MEGF6: variants seen among roughly 807,000 people sequenced by gnomAD.
MEGF6 encodes the protein multiple epidermal growth factor-like domains protein 6.
MEGF6 carries 184 observed loss-of-function variants against 207.1 expected under a neutral mutation model. The ratio of observed to expected loss-of-function variants is 0.89; its 90% confidence interval spans 0.79 to 1.00. The LOEUF (loss-of-function observed/expected upper bound fraction) is 1.00, where lower values mean the gene tolerates loss of function less well. MEGF6 is among the 50% of genes least tolerant of loss of function. The pLI, the probability that MEGF6 is intolerant of heterozygous loss-of-function variation, is 0.00. For missense variants in MEGF6, 2,282 were observed against 2,202.9 expected (o/e 1.04, Z -0.72); for synonymous variants, 1,038 against 910.0 (o/e 1.14, Z -2.53).
chr1:3,624,036 G>C, the MEGF6 span, among the ~76,000 whole-genome samples: 1 of 152,084 alleles, frequency 6.6e-6, no homozygotes, highest in African/African-American at 2.4e-5. Flanking sequence ...CAAATACTCC[G>C]CTCCATCCCC....
At chr1:3,531,075 C>G in intron 4 of MEGF6, 2 of 1,518,566 alleles carry the variant, frequency 1.3e-6, no homozygotes, top group Non-Finnish European at 1.8e-6. Context: ...TCGCCCGGCG[C>G]CCACCTGGCC....
rs1470667963 is a variant in MEGF6, at chr1:3,487,952, G to A, written c.*2576C>T. Among the ~76,000 whole-genome samples the A allele has an allele frequency of 1.3e-5, 2 of 152,250 alleles. No homozygotes were observed. Among genetic ancestry groups the A allele is most frequent in the East Asian group, 1.9e-4 (1 of 5,186 alleles). On this transcript the variant is annotated 3_prime_UTR_variant, in exon 37 of 37. Coordinates refer to ENST00000356575, the MANE Select transcript of MEGF6 (RefSeq NM_001409.4). Reference sequence around the variant, plus strand: ...AAATACTATTTAGTATATTTTTAATGCAGTCTAGTCTGTTTTTAATGATGT... The same window carrying A: ...AAATACTATTTAGTATATTTTTAATACAGTCTAGTCTGTTTTTAATGATGT...
At chr1:3,599,405 C>T (rs960165522) in intron 2 of MEGF6, among the ~76,000 whole-genome samples, 1 of 152,242 alleles carries the variant, frequency 6.6e-6, no homozygotes, top group Non-Finnish European at 1.5e-5. Context: ...CTCTCAGCCA[C>T]CCTGCATCCT....
At chr1:3,521,318 G>A (rs949301855) in intron 5 of MEGF6, among the ~76,000 whole-genome samples, 14 of 152,276 alleles carry the variant, frequency 9.2e-5, no homozygotes, top group Admixed American at 6.5e-4. Context: ...AGGGCGAAGG[G>A]TCCCAAACTC....
intron 10 of MEGF6, 85 bp downstream of exon 10, chr1:3,510,698 G>A: frequency 6.7e-7 from 1 of 1,495,252 alleles, no homozygotes; most frequent in Non-Finnish European, 8.9e-7. Context: ...CCACCATGGG[G>A]GTACCAGAGC....
At chr1:3,504,928 G>C (rs1211532269) in intron 17 of MEGF6, among the ~76,000 whole-genome samples, 2 of 152,180 alleles carry the variant, frequency 1.3e-5, no homozygotes, top group African/African-American at 4.8e-5. Context: ...GGAGGAGTTT[G>C]GAGAGAAACT....
chr1:3,494,771 G>A, intron 30 of MEGF6, 30 bp from the exon 31 acceptor site: 2 of 1,533,182 alleles, frequency 1.3e-6, no homozygotes, highest in South Asian at 2.5e-5. Context: ...GCTGCCTGGA[G>A]CTCTGGCCGA....
At chr1:3,614,263 G>C (rs1009687640), upstream of MEGF6, among the ~76,000 whole-genome samples, 42 of 152,304 alleles carry the variant, frequency 2.8e-4, no homozygotes, top group African/African-American at 8.2e-4. Context: ...CCTCTGCCCA[G>C]CCTGGTACTG....
chr1:3,564,859 C>G (rs937218603), intron 4 of MEGF6, among the ~76,000 whole-genome samples: 2 of 152,156 alleles, frequency 1.3e-5, no homozygotes, highest in Non-Finnish European at 2.9e-5. Flanking sequence ...TCCTGTGAGG[C>G]CCCGCCATCC....
chr1:3,495,122 G>C (rs907679382), intron 30 of MEGF6, among the ~76,000 whole-genome samples: 7 of 152,200 alleles, frequency 4.6e-5, no homozygotes, highest in Non-Finnish European at 8.8e-5. Flanking sequence ...TAGCGTGGCT[G>C]GGCTGCCGTG....
chr1:3,583,169 A>G (rs1643840501), intron 3 of MEGF6, among the ~76,000 whole-genome samples: 1 of 152,158 alleles, frequency 6.6e-6, no homozygotes, highest in African/African-American at 2.4e-5. Context: ...CTCTAAAACA[A>G]AGATGCGCAA....
chr1:3,618,988 A>G, the MEGF6 span, among the ~76,000 whole-genome samples: 3 of 152,214 alleles, frequency 2.0e-5, no homozygotes, highest in African/African-American at 7.2e-5. The surrounding 1 kb of genome is among the most constrained non-coding windows in gnomAD (Gnocchi z 4.7). Context: ...CATCCATCGG[A>G]GAACAAGGGC....
intron 4 of MEGF6, among the ~76,000 whole-genome samples, chr1:3,568,221 A>C (rs1643401835): frequency 6.6e-6 from 1 of 152,058 alleles, no homozygotes; most frequent in African/African-American, 2.4e-5. Context: ...GAGGGGGTGA[A>C]GTGTGCAGGA....
upstream of MEGF6, among the ~76,000 whole-genome samples, chr1:3,615,767 T>G (rs756691568): frequency 2.2e-4 from 33 of 152,286 alleles, no homozygotes; most frequent in Non-Finnish European, 3.8e-4. Flanking sequence ...CCCTATCCAG[T>G]GGGCTCAGCT....
rs1490989535 is a variant in MEGF6, at chr1:3,497,417, G to A, written c.3353-56C>T. The A allele has an allele frequency of 4.1e-6, 6 of 1,465,116 alleles. No homozygotes were observed. The East Asian group carries it at 7.6e-5, about 19-fold the overall frequency. 90.8% of individuals were successfully genotyped at this position (1,465,116 alleles called of 1,614,324 possible). A position where few individuals can be genotyped will look rare whatever the true frequency, so the allele number is the denominator to read the frequency against. On this transcript the variant is annotated intron_variant, in intron 26 of 36. Coordinates refer to ENST00000356575, the MANE Select transcript of MEGF6 (RefSeq NM_001409.4). ...TAGGAGGGGCCCGTGGGGATCTGTG[G>A]GCCAGGACAGGCCGGGAGCAGGTGC... is the stretch of plus-strand genomic sequence containing the variant.
chr1:3,617,446 C>A, the MEGF6 span, among the ~76,000 whole-genome samples: 11 of 152,188 alleles, frequency 7.2e-5, no homozygotes, highest in Admixed American at 5.2e-4. Flanking sequence ...CACATGGACA[C>A]ATGTGGGGAA....
At chr1:3,599,047 G>A (rs537986585) in intron 2 of MEGF6, among the ~76,000 whole-genome samples, 12 of 152,300 alleles carry the variant, frequency 7.9e-5, no homozygotes, top group Admixed American at 5.9e-4. Flanking sequence ...TCACCCCGCG[G>A]CCCTGCCTGA....
At chr1:3,538,696 CTGTGTGTGTGTGTGTGTG>C (rs57325073) in intron 4 of MEGF6, among the ~76,000 whole-genome samples, 6,003 of 132,096 alleles carry the variant, frequency 0.045, 180 homozygotes, top group South Asian at 0.1. Context: ...GAGCATGTGC[CTGTGTGTGTGTGTGTGTG>C]TGTGTGTGTG....
At position 3,496,039 on chromosome 1, in the gene MEGF6, A is replaced by G. The variant is rs994248449; in HGVS notation, c.3743-21T>C. On this transcript the variant is annotated intron_variant, in intron 29 of 36. Transcript: ENST00000356575. ...ACAGGCTGCCGGGGAGGAAGTGGTG[A>G]TCGTGGCTGGCTTCCCTTCTCTCCC... 4.0e-6 allele frequency: 6 copies of G among 1,496,312 alleles called. No homozygotes were observed. The African/African-American group carries it at 8.3e-5, about 21-fold the overall frequency. The allele number at this position is 1,496,312 out of a possible 1,614,324, so 92.7% of individuals were successfully genotyped here.
Sources: gnomAD v4.1 joint callset for allele counts (sites outside exome capture counted in the v4.1 genomes callset) on GRCh38, gnomAD v4.1.1 for gene constraint, Gnocchi (gnomAD v3.1) non-coding constraint, MANE v1.5 for transcripts, NCBI Gene and HGNC (gene_info 2026-07-23, HGNC 2026-07-21) for gene names.